The following UTY variants were observed in gnomAD, a reference collection of about 807,000 sequenced individuals.
The protein encoded by UTY is ubiquitously transcribed tetratricopeptide repeat containing, Y-linked, also known as histone demethylase UTY.
A neutral mutation model predicts 32.5 loss-of-function variants in UTY; 12 were observed. The ratio of observed to expected loss-of-function variants is 0.37; its 90% confidence interval spans 0.24 to 0.60. The LOEUF is 0.60. Ranked by LOEUF, UTY falls within the 20% of genes least tolerant of loss-of-function variation. The probability of loss-of-function intolerance (pLI) is 0.69; values close to 1 mark genes in which losing one functional copy is unlikely to be tolerated. For synonymous variants in UTY, 131 were observed against 103.4 expected (o/e 1.27, Z -1.62); for missense variants, 303 against 299.2 (o/e 1.01, Z -0.09).
chrY:13,315,438 G>A, intron 21 of UTY, among the ~76,000 whole-genome samples: 1 of 33,457 alleles, frequency 3.0e-5, no homozygotes, highest in African/African-American at 1.2e-4. Flanking sequence ...GAGAAACCCC[G>A]TCTTTACTAA....
At position 13,358,525 on chromosome Y, in the gene UTY, G is replaced by T; in HGVS notation, c.1415C>A (p.Ser472Tyr). ...QQSLSLHMIT[S>Y]SQVEGLSSPA... ...ACTGGACAGGCCTTCTACTTGGCTA[G>T]AAGTAATCATGTGTAGTGACAAGGA... Residue 472 changes from serine (S) to tyrosine (Y), a missense_variant, in exon 14 of 30, where the codon TCT (serine) becomes TAT (tyrosine). Ser to Tyr is a moderately radical substitution (Grantham distance 144). Coordinates refer to ENST00000545955, the MANE Select transcript of UTY (RefSeq NM_001258249.2). 2.6e-6 allele frequency: 1 copy of T among 378,401 alleles called. No homozygotes were observed. Among genetic ancestry groups the T allele is most frequent in the East Asian group, 1.0e-4 (1 of 9,946 alleles). The allele number at this position is 378,401 out of a possible 400,897, so 94.4% of individuals were successfully genotyped here.
At chrY:13,374,725 T>C in intron 8 of UTY, among the ~76,000 whole-genome samples, 1 of 33,630 alleles carries the variant, frequency 3.0e-5, no homozygotes. Flanking sequence ...ATAGTATTAG[T>C]AACAAAGATC....
intron 2 of UTY, among the ~76,000 whole-genome samples, chrY:13,471,378 C>A (rs2078455979): frequency 3.0e-5 from 1 of 33,490 alleles, no homozygotes; most frequent in Non-Finnish European, 7.3e-5. Flanking sequence ...ATAATTCCTG[C>A]CTCCTCTTTC....
chrY:13,321,137 T>C (rs2059795417), intron 21 of UTY, among the ~76,000 whole-genome samples: 1 of 33,338 alleles, frequency 3.0e-5, no homozygotes, highest in African/African-American at 1.2e-4. Context: ...AAGAAGCCTA[T>C]TGGAAAAATA....
intron 6 of UTY, 60 bp downstream of exon 6, chrY:13,410,919 GTGTGCATGCGCACA>G (rs2070825800): frequency 8.6e-6 from 3 of 347,189 alleles, no homozygotes; most frequent in South Asian, 3.5e-5. Context: ...TGACATTAAA[GTGTGCATGCGCACA>G]TGTGCATGCA....
At chrY:13,401,633 T>C (rs939414168) in intron 6 of UTY, among the ~76,000 whole-genome samples, 9 of 33,316 alleles carry the variant, frequency 2.7e-4, no homozygotes, top group African/African-American at 1.1e-3. Context: ...CCCAGCACTT[T>C]GGGAGGCCAA....
At chrY:13,470,832 A>C in intron 2 of UTY, among the ~76,000 whole-genome samples, 1 of 33,043 alleles carries the variant, frequency 3.0e-5, no homozygotes, top group Non-Finnish European at 7.4e-5. Flanking sequence ...TTTCTACAAC[A>C]AAACTACTCT....
At chrY:13,381,983 CCTA>C (rs2066198741) in intron 8 of UTY, among the ~76,000 whole-genome samples, 1 of 32,605 alleles carries the variant, frequency 3.1e-5, no homozygotes, top group Non-Finnish European at 7.5e-5. Context: ...GTATACTCTT[CCTA>C]CTAATTAAAA....
intron 18 of UTY, among the ~76,000 whole-genome samples, chrY:13,335,271 T>C (rs2060971935): frequency 3.1e-5 from 1 of 32,133 alleles, no homozygotes; most frequent in Non-Finnish European, 7.6e-5. Flanking sequence ...CAGGTTGATA[T>C]GTGAGGCAAA....
At chrY:13,431,478 C>T (rs2073995219) in intron 4 of UTY, among the ~76,000 whole-genome samples, 43 of 32,878 alleles carry the variant, frequency 1.3e-3, no homozygotes. Context: ...CTGATGAACA[C>T]ATCCAAAACT....
chrY:13,479,730 C>T lies in UTY; in HGVS notation c.-65G>A. 1 of 370,020 alleles carries T rather than the reference C, an allele frequency of 2.7e-6. No individual in the cohort carries two copies. Among genetic ancestry groups the T allele is most frequent in the Non-Finnish European group, 3.8e-6 (1 of 264,565 alleles). The allele number at this position is 370,020 out of a possible 400,897, so 92.3% of individuals were successfully genotyped here. On this transcript the variant is annotated 5_prime_UTR_variant, in exon 1 of 30. Coordinates refer to ENST00000545955, the MANE Select transcript of UTY (RefSeq NM_001258249.2). ...CTTAATCGAGTAGTTGAAAAGACGC[C>T]TTCAATCGCTGCTTGAGACTGTGAC...
chrY:13,410,312 C>A, intron 6 of UTY, among the ~76,000 whole-genome samples: 2 of 33,458 alleles, frequency 6.0e-5, no homozygotes, highest in Non-Finnish European at 1.5e-4. Flanking sequence ...AGCTATAATT[C>A]TTTCAAAAGA....
chrY:13,377,717 A>T, intron 8 of UTY, among the ~76,000 whole-genome samples: 1 of 33,322 alleles, frequency 3.0e-5, no homozygotes, highest in Non-Finnish European at 7.4e-5. Flanking sequence ...TATCTCAAAA[A>T]ACAAAAAACA....
chrY:13,417,732 T>C (rs2071891647), intron 4 of UTY, among the ~76,000 whole-genome samples: 2 of 33,961 alleles, frequency 5.9e-5, no homozygotes, highest in East Asian at 1.6e-3. Context: ...GAATAAACTA[T>C]GTTCTATGCA....
chrY:13,320,065 A>G (rs2059726619), intron 21 of UTY, among the ~76,000 whole-genome samples: 1 of 33,070 alleles, frequency 3.0e-5, no homozygotes, highest in African/African-American at 1.2e-4. Flanking sequence ...AAATATTAAT[A>G]GGTTTCCTAA....
At chrY:13,474,662 C>A in intron 2 of UTY, among the ~76,000 whole-genome samples, 1 of 33,966 alleles carries the variant, frequency 2.9e-5, no homozygotes, top group Non-Finnish European at 7.3e-5. Context: ...AGGACACGCA[C>A]AGGCCAAAAG....
intron 28 of UTY, among the ~76,000 whole-genome samples, chrY:13,238,527 A>G (rs2053872668): frequency 3.0e-5 from 1 of 33,408 alleles, no homozygotes; most frequent in Admixed American, 2.7e-4. Context: ...TGGGGGCCCA[A>G]GCACTGGCCT....
chrY:13,380,096 T>C (rs1603445770), intron 8 of UTY, among the ~76,000 whole-genome samples: 1 of 12,503 alleles, frequency 8.0e-5, no homozygotes, highest in Non-Finnish European at 1.7e-4. Context: ...TATATATATA[T>C]ATACACACAC....
At chrY:13,376,415 G>A in intron 8 of UTY, among the ~76,000 whole-genome samples, 1 of 33,629 alleles carries the variant, frequency 3.0e-5, no homozygotes, top group Non-Finnish European at 7.4e-5. Context: ...TCCATTTTGT[G>A]TACAGTGTGA....
Sources: gnomAD v4.1 joint callset for allele counts (sites outside exome capture counted in the v4.1 genomes callset) on GRCh38, gnomAD v4.1.1 for gene constraint, MANE v1.5 for transcripts, NCBI Gene and HGNC (gene_info 2026-07-23, HGNC 2026-07-21) for gene names.